Variants in RBFOX1 observed in about 807,000 individuals in gnomAD.
RBFOX1 encodes the protein RNA binding protein fox-1 homolog 1.
RBFOX1 carries 8 observed loss-of-function variants against 57.7 expected under a neutral mutation model. The ratio of observed to expected loss-of-function variants is 0.14; its 90% CI spans 0.08 to 0.25. RBFOX1 has a LOEUF of 0.25. Among genes scored for constraint, RBFOX1 ranks in the 10% least tolerant of loss-of-function variants. The probability of loss-of-function intolerance (pLI) is 1.00; values close to 1 mark genes in which losing one functional copy is unlikely to be tolerated. For missense variants in RBFOX1, 611 were observed against 548.5 expected, an observed-to-expected ratio of 1.11 and a Z score of -1.14; for synonymous variants, 326 against 222.4, an observed-to-expected ratio of 1.47 and a Z score of -4.15.
chr16:6,074,237 A>C (rs1049640224), intron 1 of RBFOX1, among the ~76,000 whole-genome samples: 1 of 152,112 alleles, frequency 6.6e-6, no homozygotes, highest in African/African-American at 2.4e-5. Context: ...CATGAGCCAC[A>C]GCGCCCGGCC....
chr16:6,362,475 GC>G (rs1257124699), intron 2 of RBFOX1, among the ~76,000 whole-genome samples: 1 of 152,156 alleles, frequency 6.6e-6, no homozygotes, highest in Non-Finnish European at 1.5e-5. Context: ...CCAATATGAG[GC>G]CACCTGCTCG....
chr16:7,526,332 C>T (rs80346350), intron 5 of RBFOX1, among the ~76,000 whole-genome samples: 2,164 of 152,256 alleles, frequency 0.014, 30 homozygotes, highest in Non-Finnish European at 0.022. Flanking sequence ...TTGGTTTCTT[C>T]GTGGCTGCCC....
intron 3 of RBFOX1, among the ~76,000 whole-genome samples, chr16:5,662,065 C>T (rs888497973): frequency 2.0e-5 from 3 of 152,078 alleles, no homozygotes; most frequent in African/African-American, 7.2e-5. Context: ...GGATTACAGG[C>T]ATGAGCTACC....
intron 4 of RBFOX1, among the ~76,000 whole-genome samples, chr16:7,368,571 G>A (rs1411750930): frequency 6.6e-6 from 1 of 151,916 alleles, no homozygotes; most frequent in Admixed American, 6.6e-5. Flanking sequence ...GAGGTCAGGA[G>A]ATCAAGACCA....
intron 4 of RBFOX1, among the ~76,000 whole-genome samples, chr16:7,079,134 C>T (rs1258997369): frequency 6.6e-6 from 1 of 152,084 alleles, no homozygotes; most frequent in Non-Finnish European, 1.5e-5. Context: ...AGGAGCCATA[C>T]ATTGTCTGTT....
intron 14 of RBFOX1, among the ~76,000 whole-genome samples, chr16:7,703,774 C>T (rs935375049): frequency 6.6e-6 from 1 of 152,182 alleles, no homozygotes; most frequent in Non-Finnish European, 1.5e-5. Flanking sequence ...TTTGCTCCAA[C>T]ACAACCTTAA....
intron 4 of RBFOX1, among the ~76,000 whole-genome samples, chr16:5,994,433 A>G (rs990064884): frequency 1.3e-5 from 2 of 152,294 alleles, no homozygotes; most frequent in South Asian, 4.1e-4. Context: ...AAGTGCTGGG[A>G]TTACAAGCAT....
intron 4 of RBFOX1, among the ~76,000 whole-genome samples, chr16:7,140,926 T>G: frequency 6.6e-6 from 1 of 152,144 alleles, no homozygotes; most frequent in Non-Finnish European, 1.5e-5. Flanking sequence ...TCAAGCATGG[T>G]TTCTAAGTGT....
At chr16:7,157,969 G>T (rs1023965669) in intron 4 of RBFOX1, among the ~76,000 whole-genome samples, 2 of 152,106 alleles carry the variant, frequency 1.3e-5, no homozygotes, top group Admixed American at 6.6e-5. Flanking sequence ...TTTTAGATTT[G>T]TAGATTGACA....
intron 4 of RBFOX1, among the ~76,000 whole-genome samples, chr16:7,467,012 C>T (rs975714796): frequency 6.6e-6 from 1 of 152,080 alleles, no homozygotes; most frequent in African/African-American, 2.4e-5. Flanking sequence ...CAGAGGCGAA[C>T]CAAACAGATA....
chr16:7,650,010 G>GAAGGACAGGAAGGAGGC (rs1251470254), intron 11 of RBFOX1, among the ~76,000 whole-genome samples: 3 of 148,360 alleles, frequency 2.0e-5, no homozygotes, highest in African/African-American at 5.2e-5. Flanking sequence ...AAGGAGGAGG[G>GAAGGACAGGAAGGAGGC]AAGACAAAAG....
chr16:6,309,053 G>A (rs764966591), intron 1 of RBFOX1, among the ~76,000 whole-genome samples: 2 of 151,958 alleles, frequency 1.3e-5, no homozygotes, highest in African/African-American at 4.8e-5. Flanking sequence ...TAATTTTATG[G>A]AGATTGAAAT....
At position 7,361,445 on chromosome 16, in the gene RBFOX1, C is replaced by T. The variant is rs562479399; in HGVS notation, c.28-156702C>T. 2.6e-5 allele frequency among the ~76,000 whole-genome samples: 4 copies of T among 152,276 alleles called. No individual in the cohort carries two copies. In the East Asian group the frequency reaches 7.7e-4, roughly 29 times the overall value. On this transcript the variant is annotated intron_variant, in intron 4 of 15. Coordinates refer to ENST00000550418, the MANE Select transcript of RBFOX1 (RefSeq NM_018723.4). ...TCCCTAAAGCTTGAAAGAACGGTTTCCTTTTACTTGGCTGAGGGTTACCTG... is the reference window on the plus strand; with the variant it reads ...TCCCTAAAGCTTGAAAGAACGGTTTTCTTTTACTTGGCTGAGGGTTACCTG...
In RBFOX1 at chr16:7,567,791, G is replaced by GTATACCTATATATATCCCCATATA. The variant is rs757723910; in HGVS notation, c.271-11944_271-11921dup. On this transcript the variant is annotated intron_variant, in intron 5 of 15. Transcript: ENST00000550418. The stretch of plus-strand genomic sequence containing the variant: ...TATCCCTCTCTATATATATCCATAT[G>GTATACCTATATATATCCCCATATA]TATACCTATATATATCCCCATATAT... Among the ~76,000 whole-genome samples the GTATACCTATATATATCCCCATATA allele has an allele frequency of 3.7e-4, 53 of 144,796 alleles. 1 individual carries two copies. In the South Asian group the frequency reaches 6.1e-3, roughly 17 times the overall value. The allele number at this position is 144,796 out of a possible 152,430, so 95.0% of individuals were successfully genotyped here. A position where few individuals can be genotyped will look rare whatever the true frequency, so the allele number is the denominator to read the frequency against.
At chr16:7,345,301 G>C (rs1180419749) in intron 4 of RBFOX1, among the ~76,000 whole-genome samples, 1 of 152,154 alleles carries the variant, frequency 6.6e-6, no homozygotes. Context: ...TTGGCGAGCA[G>C]TGTAAACACT....
intron 4 of RBFOX1, among the ~76,000 whole-genome samples, chr16:7,361,241 T>A (rs1051947485): frequency 1.3e-5 from 2 of 152,198 alleles, no homozygotes; most frequent in Admixed American, 6.5e-5. Context: ...AAGGCCTGTT[T>A]GTGTCATTGC....
chr16:7,109,479 G>C (rs950052036), intron 4 of RBFOX1, among the ~76,000 whole-genome samples: 3 of 152,096 alleles, frequency 2.0e-5, no homozygotes, highest in Non-Finnish European at 4.4e-5. Flanking sequence ...GAAGGAAGGT[G>C]GTGCACCTTT....
intron 4 of RBFOX1, among the ~76,000 whole-genome samples, chr16:7,441,638 A>G (rs1567184398): frequency 6.6e-6 from 1 of 152,210 alleles, no homozygotes; most frequent in Non-Finnish European, 1.5e-5. Context: ...ACATTTAGAT[A>G]TGTAAAGATT....
At chr16:7,451,484 C>T (rs1482717099) in intron 4 of RBFOX1, among the ~76,000 whole-genome samples, 1 of 152,026 alleles carries the variant, frequency 6.6e-6, no homozygotes, top group Non-Finnish European at 1.5e-5. Context: ...TAATGCAAGC[C>T]CACTGCAAAT....
Sources: gnomAD v4.1 joint callset for allele counts (sites outside exome capture counted in the v4.1 genomes callset) on GRCh38, gnomAD v4.1.1 for gene constraint, MANE v1.5 for transcripts, NCBI Gene and HGNC (gene_info 2026-07-23, HGNC 2026-07-21) for gene names.